The following NAV2 variants were observed in gnomAD, a reference collection of about 807,000 sequenced individuals.
The protein encoded by NAV2 is helicase, APC down-regulated 1.
In NAV2, 54 loss-of-function variants were observed where a neutral mutation model predicts 223.2. The ratio of observed to expected loss-of-function variants is 0.24; its 90% CI spans 0.19 to 0.30. The LOEUF is 0.30. Among genes scored for constraint, NAV2 ranks in the 10% least tolerant of loss-of-function variants. The probability of loss-of-function intolerance (pLI) is 1.00; values close to 1 mark genes in which losing one functional copy is unlikely to be tolerated. For missense variants in NAV2, 2,806 were observed against 3,147.5 expected, an observed-to-expected ratio of 0.89 and a Z score of 2.60; for synonymous variants, 1,279 against 1,239.3, an observed-to-expected ratio of 1.03 and a Z score of -0.67.
chr11:19,497,617 C>T (rs2134125623), intron 1 of NAV2, among the ~76,000 whole-genome samples: 2 of 152,304 alleles, frequency 1.3e-5, no homozygotes, highest in Admixed American at 6.5e-5. Flanking sequence ...GCCTTGGCCT[C>T]AGGGTCCACA....
intron 1 of NAV2, among the ~76,000 whole-genome samples, chr11:19,555,470 C>A (rs1210525635): frequency 1.3e-5 from 2 of 152,202 alleles, no homozygotes; most frequent in African/African-American, 4.8e-5. Context: ...GGCAGCTCAC[C>A]ACAGCATCCA....
chr11:19,521,279 G>A (rs553437609), intron 1 of NAV2, among the ~76,000 whole-genome samples: 1 of 152,280 alleles, frequency 6.6e-6, no homozygotes, highest in South Asian at 2.1e-4. Flanking sequence ...AGGGGGCTGT[G>A]AGGAGACACC....
intron 1 of NAV2, among the ~76,000 whole-genome samples, chr11:19,616,256 G>A (rs2046785941): frequency 6.6e-6 from 1 of 151,408 alleles, no homozygotes; most frequent in Non-Finnish European, 1.5e-5. Context: ...TTTAATGTGG[G>A]CCCACCTCTC....
At chr11:19,875,937 C>A (rs1193844053) in intron 4 of NAV2, among the ~76,000 whole-genome samples, 1 of 151,926 alleles carries the variant, frequency 6.6e-6, no homozygotes, top group Non-Finnish European at 1.5e-5. Flanking sequence ...GAGGAGGCTG[C>A]AGGTAGAATG....
intron 29 of NAV2, among the ~76,000 whole-genome samples, chr11:20,093,657 C>G (rs1035133219): frequency 5.9e-5 from 9 of 152,088 alleles, no homozygotes; most frequent in African/African-American, 2.2e-4. Context: ...GATGGAGATG[C>G]CAAGCCCTGG....
chr11:19,865,746 C>T (rs374541700), intron 3 of NAV2, among the ~76,000 whole-genome samples: 6 of 151,960 alleles, frequency 3.9e-5, no homozygotes, highest in African/African-American at 1.5e-4. Flanking sequence ...GAGTGCAGAC[C>T]AGCCATCTGG....
At chr11:19,531,825 A>G (rs2044035240) in intron 1 of NAV2, among the ~76,000 whole-genome samples, 1 of 152,182 alleles carries the variant, frequency 6.6e-6, no homozygotes, top group Non-Finnish European at 1.5e-5. Context: ...TTTATTTACT[A>G]CCAAGAAAAA....
intron 1 of NAV2, among the ~76,000 whole-genome samples, chr11:19,418,429 C>T (rs1006631557): frequency 4.6e-5 from 7 of 152,336 alleles, no homozygotes; most frequent in Middle Eastern, 3.4e-3. Flanking sequence ...GATGCCTTCT[C>T]ACCTTGGGCT....
chr11:19,977,684 A>C (rs923736575), intron 10 of NAV2, among the ~76,000 whole-genome samples: 2 of 151,984 alleles, frequency 1.3e-5, no homozygotes. Flanking sequence ...TATAATTCGC[A>C]CTGAGAAATT....
chr11:19,695,689 A>C (rs2049310463), intron 1 of NAV2, among the ~76,000 whole-genome samples: 1 of 152,114 alleles, frequency 6.6e-6, no homozygotes, highest in South Asian at 2.1e-4. Context: ...AGATCACCTG[A>C]GGTCAGGAGT....
intron 9 of NAV2, 86 bp from the exon 10 acceptor site, chr11:19,948,605 T>A: frequency 7.3e-7 from 1 of 1,370,950 alleles, no homozygotes; most frequent in Non-Finnish European, 9.6e-7. Flanking sequence ...TGAGGATTAT[T>A]TCATAATTCT....
At chr11:19,914,516 A>C (rs952530015) in intron 6 of NAV2, among the ~76,000 whole-genome samples, 18 of 151,982 alleles carry the variant, frequency 1.2e-4, no homozygotes, top group African/African-American at 4.4e-4. Context: ...AAACCGCTTA[A>C]AATTTAATAT....
intron 1 of NAV2, among the ~76,000 whole-genome samples, chr11:19,534,283 G>A (rs188603505): frequency 3.9e-5 from 6 of 152,262 alleles, no homozygotes; most frequent in East Asian, 1.9e-4. Flanking sequence ...CAGAGGGCAC[G>A]GACCTGATCT....
chr11:19,909,618 A>G (rs2043147685), intron 6 of NAV2, among the ~76,000 whole-genome samples: 1 of 151,976 alleles, frequency 6.6e-6, no homozygotes, highest in Admixed American at 6.6e-5. Context: ...AAAACATCTC[A>G]TGGTTTTCTG....
intron 37 of NAV2, among the ~76,000 whole-genome samples, chr11:20,117,773 C>T (rs2063244402): frequency 6.6e-6 from 1 of 152,140 alleles, no homozygotes; most frequent in South Asian, 2.1e-4. Context: ...TGTGCCCCTC[C>T]TAAATAAAAA....
intron 1 of NAV2, among the ~76,000 whole-genome samples, chr11:19,776,091 T>C (rs1248792693): frequency 6.7e-6 from 1 of 148,574 alleles, no homozygotes; most frequent in Non-Finnish European, 1.5e-5. Context: ...AATAAAGCAA[T>C]CCATGATTTC....
At chr11:20,071,913 A>G (rs965215557) in intron 22 of NAV2, among the ~76,000 whole-genome samples, 3 of 152,062 alleles carry the variant, frequency 2.0e-5, no homozygotes. Context: ...ACTCTGATGA[A>G]GTTTCTTTTG....
intron 11 of NAV2, among the ~76,000 whole-genome samples, chr11:19,986,472 T>C (rs1010060130): frequency 6.6e-6 from 1 of 152,024 alleles, no homozygotes; most frequent in Non-Finnish European, 1.5e-5. Context: ...ATGCAAAAAT[T>C]AGCCGTTTGT....
intron 3 of NAV2, among the ~76,000 whole-genome samples, chr11:19,865,505 A>G (rs1342844904): frequency 6.6e-6 from 1 of 151,828 alleles, no homozygotes; most frequent in African/African-American, 2.4e-5. Flanking sequence ...TCCCAGCCTC[A>G]CTCTCTTCCT....
Sources: allele counts gnomAD v4.1 joint callset (sites outside exome capture counted in the v4.1 genomes callset), GRCh38; gene constraint gnomAD v4.1.1; transcripts MANE v1.5; gene names NCBI Gene and HGNC (gene_info 2026-07-23, HGNC 2026-07-21).